KCNC1: variants seen among roughly 807,000 people sequenced by gnomAD.
The protein encoded by KCNC1 is potassium voltage-gated channel subfamily C member 1, also known as voltage-gated potassium channel KCNC1.
Under a neutral mutation model 43.4 loss-of-function variants are expected in KCNC1, and 8 were observed. The observed-to-expected ratio is 0.18, with a 90% confidence interval of 0.11 to 0.33. KCNC1 has a LOEUF of 0.33. KCNC1 is among the 10% of genes least tolerant of loss of function. KCNC1 has a pLI of 1.00. For missense variants in KCNC1, 420 were observed against 836.0 expected (o/e 0.50, Z 6.14); for synonymous variants, 361 against 360.5 (o/e 1.00, Z -0.01).
rs754690582 is a variant in KCNC1 at position 17,736,483 on chromosome 11, C to T, written c.481C>T (p.Pro161Ser). 1 of 1,596,318 alleles carries T rather than the reference C, an allele frequency of 6.3e-7. No homozygotes were observed. Among genetic ancestry groups the T allele is most frequent in the Non-Finnish European group, 8.5e-7 (1 of 1,176,060 alleles). ...MTKRLALSDSPDGRPGGFWRR... is the reference protein window; with the variant it reads ...MTKRLALSDSSDGRPGGFWRR... ...CAAGCGCCTGGCGCTCAGTGACTCC[C>T]CGGATGGCCGGCCTGGCGGCTTTTG... The change falls in exon 1 of 4, where the codon CCG becomes TCG. Residue 161 changes from proline (P) to serine (S), a missense_variant. By Grantham distance (74) the Pro-to-Ser change is moderately conservative. This residue lies in a region of KCNC1 where 151 missense variants were observed against 216.7 expected (regional missense o/e 0.70). Transcript: ENST00000265969. This position sits in a 1 kb window ranked among gnomAD's most constrained non-coding sequence, Gnocchi z 9.3.
In KCNC1 at chr11:17,735,113, G is replaced by C. The variant is rs1848748154; in HGVS notation, c.-890G>C. ...TGCAGCTCCGCGACCGCCGGGAGCT[G>C]TCCCTTCAGCACCGCCGCGGGAGCC... On this transcript the variant is annotated 5_prime_UTR_variant, in exon 1 of 4. Transcript: ENST00000265969. The surrounding 1 kb of genome is among the most constrained non-coding windows in gnomAD (Gnocchi z 6.7). The C allele has an allele frequency of 6.6e-6, 1 of 152,130 alleles. No individual in the cohort carries two copies. 9.4% of individuals were successfully genotyped at this position (152,130 alleles called of 1,614,324 possible).
Position 17,773,217 on chromosome 11 carries a change from C to T in KCNC1, c.1504+619C>T. 2.0e-6 allele frequency: 2 copies of T among 986,104 alleles called. No individual in the cohort carries two copies. The highest frequency in any genetic ancestry group is 2.4e-6 in the Non-Finnish European group (2 of 830,470). The allele number at this position is 986,104 out of a possible 1,614,324, so 61.1% of individuals were successfully genotyped here. A position where few individuals can be genotyped will look rare whatever the true frequency, so the allele number is the denominator to read the frequency against. On this transcript the variant is annotated intron_variant, in intron 2 of 3. Transcript: ENST00000265969. This position sits in a 1 kb window ranked among gnomAD's most constrained non-coding sequence, Gnocchi z 4.1. ...CTTCCCAGGAGACGCCTGTAGCCCT[C>T]CGTGACAAGCTTACTTACCCCATAG... is the stretch of plus-strand genomic sequence containing the variant.
rs200830147 is a variant in KCNC1, at chr11:17,736,470, G to T, written c.468G>T (p.Ala156=). Residue 156 remains alanine (A), a synonymous_variant, in exon 1 of 4, where the codon GCG becomes GCT. Transcript: ENST00000265969. This position sits in a 1 kb window ranked among gnomAD's most constrained non-coding sequence, Gnocchi z 9.3. ...AGCTGGAGATGACCAAGCGCCTGGC[G>T]CTCAGTGACTCCCCGGATGGCCGGC... ...EDELEMTKRL[A]LSDSPDGRPG... is the part of the protein sequence containing the mutation. 1.9e-6 allele frequency: 3 copies of T among 1,600,260 alleles called. No individual in the cohort carries two copies. Among genetic ancestry groups the T allele is most frequent in the African/African-American group, 2.7e-5 (2 of 74,908 alleles).
chr11:17,755,900 A>T (rs1347698257), intron 1 of KCNC1, among the ~76,000 whole-genome samples: 4 of 152,164 alleles, frequency 2.6e-5, no homozygotes, highest in Non-Finnish European at 5.9e-5. Flanking sequence ...GTGAGTGTAG[A>T]TGAAGAAGAG....
rs1224331485 is a variant in KCNC1 at position 17,781,381 on chromosome 11, C to T, written c.1694-289C>T. The T allele has an allele frequency of 1.6e-5, 6 of 386,278 alleles. No individual in the cohort carries two copies. In the South Asian group the frequency reaches 2.2e-4, roughly 14 times the overall value. The allele number at this position is 386,278 out of a possible 1,614,324, so 23.9% of individuals were successfully genotyped here. On this transcript the variant is annotated intron_variant, in intron 3 of 3. Coordinates refer to ENST00000265969, the MANE Select transcript of KCNC1 (RefSeq NM_001112741.2). The surrounding 1 kb of genome is among the most constrained non-coding windows in gnomAD (Gnocchi z 5.1). The stretch of plus-strand genomic sequence containing the variant: ...CGCGCTCTCATGGAGCCACGACAGC[C>T]GCCGAGGACTTGTTTTTCTCAGGCT...
chr11:17,741,625 GGCCTGTCAGATCGCCCGA>G (rs968983409), intron 1 of KCNC1, among the ~76,000 whole-genome samples: 29 of 152,058 alleles, frequency 1.9e-4, no homozygotes, highest in Non-Finnish European at 3.7e-4. Context: ...TCAACTCACG[GGCCTGTCAGATCGCCCGA>G]GCCTGCTTAG....
At chr11:17,741,788 G>A (rs1280422224) in intron 1 of KCNC1, among the ~76,000 whole-genome samples, 1 of 152,158 alleles carries the variant, frequency 6.6e-6, no homozygotes, top group Non-Finnish European at 1.5e-5. Flanking sequence ...TCAGCTTCTT[G>A]CACCTGCCAG....
intron 2 of KCNC1, chr11:17,774,832 C>G (rs1849267477): frequency 1.0e-6 from 1 of 985,418 alleles, no homozygotes; most frequent in African/African-American, 1.7e-5. Context: ...CAAGCACTCA[C>G]TTCCCGGTGG....
chr11:17,749,770 C>G (rs79479092), intron 1 of KCNC1, among the ~76,000 whole-genome samples: 1 of 152,186 alleles, frequency 6.6e-6, no homozygotes, highest in African/African-American at 2.4e-5. Context: ...TGCAAGCTGC[C>G]GTGGGTGCTT....
chr11:17,739,236 T>A lies in KCNC1; in HGVS notation c.570+2664T>A, dbSNP rs531723699. Among the ~76,000 whole-genome samples, 34 of 152,246 alleles carry A rather than the reference T, an allele frequency of 2.2e-4. No individual in the cohort carries two copies. The highest frequency in any genetic ancestry group is 7.7e-4 in the African/African-American group (32 of 41,546). On this transcript the variant is annotated intron_variant, in intron 1 of 3. Transcript: ENST00000265969. The surrounding 1 kb of genome is among the most constrained non-coding windows in gnomAD (Gnocchi z 4.2). ...GTTATTCTAGATCTAGGCCAGCATG[T>A]TGTGTGTGATCTTGCATATGTGTGT... is the stretch of plus-strand genomic sequence containing the variant.
In KCNC1 at chr11:17,776,161, G is replaced by C. The variant is rs1849284993; in HGVS notation, c.1505-3295G>C. 8.1e-6 allele frequency: 8 copies of C among 985,348 alleles called. No individual in the cohort carries two copies. Among genetic ancestry groups the C allele is most frequent in the Non-Finnish European group, 8.4e-6 (7 of 829,976 alleles). 61.0% of individuals were successfully genotyped at this position (985,348 alleles called of 1,614,324 possible). ...GTGACGCCAGGGGCCAGGCATGGGT[G>C]TTCTTTTCCGTGTTGTTCACATTTT... On this transcript the variant is annotated intron_variant, in intron 2 of 3. Coordinates refer to ENST00000265969, the MANE Select transcript of KCNC1 (RefSeq NM_001112741.2). This position sits in a 1 kb window ranked among gnomAD's most constrained non-coding sequence, Gnocchi z 4.4.
chr11:17,763,397 G>A (rs549318430), intron 1 of KCNC1, among the ~76,000 whole-genome samples: 7 of 151,998 alleles, frequency 4.6e-5, no homozygotes, highest in South Asian at 2.1e-4. Flanking sequence ...GTTGAGTCTC[G>A]GCTCAGAGAA....
intron 3 of KCNC1, chr11:17,780,705 AC>A (rs920037084): frequency 4.0e-4 from 61 of 152,466 alleles, no homozygotes; most frequent in African/African-American, 1.3e-3. Flanking sequence ...ATTAAACCAC[AC>A]GCAGGAGAAA....
chr11:17,753,148 C>T (rs1848987343), intron 1 of KCNC1, among the ~76,000 whole-genome samples: 1 of 152,198 alleles, frequency 6.6e-6, no homozygotes, highest in Non-Finnish European at 1.5e-5. Flanking sequence ...AGAGATAGAA[C>T]AGGAACCCGA....
intron 1 of KCNC1, among the ~76,000 whole-genome samples, chr11:17,748,828 C>T (rs1848932015): frequency 6.6e-6 from 1 of 152,160 alleles, no homozygotes; most frequent in Admixed American, 6.5e-5. Context: ...GGGGCTCCTG[C>T]TTCTGCATGG....
At chr11:17,766,180 A>T (rs1003164565) in intron 1 of KCNC1, among the ~76,000 whole-genome samples, 1 of 152,168 alleles carries the variant, frequency 6.6e-6, no homozygotes, top group East Asian at 1.9e-4. Flanking sequence ...GTGTGTATGC[A>T]CGAGTGGTGC....
chr11:17,762,114 C>A (rs973131099), intron 1 of KCNC1, among the ~76,000 whole-genome samples: 1 of 152,216 alleles, frequency 6.6e-6, no homozygotes, highest in Non-Finnish European at 1.5e-5. Context: ...CACCCTCTCC[C>A]CTTTTACTGC....
intron 1 of KCNC1, among the ~76,000 whole-genome samples, chr11:17,764,811 C>G (rs1337540425): frequency 1.3e-5 from 2 of 152,164 alleles, no homozygotes; most frequent in African/African-American, 4.8e-5. Context: ...GCCGGCCCAG[C>G]ACACTGTGAG....
chr11:17,777,294 G>A lies in KCNC1; in HGVS notation c.1505-2162G>A. 4 of 985,902 alleles carry A rather than the reference G, an allele frequency of 4.1e-6. No homozygotes were observed. Among genetic ancestry groups the A allele is most frequent in the Non-Finnish European group, 4.8e-6 (4 of 830,006 alleles). The allele number at this position is 985,902 out of a possible 1,614,324, so 61.1% of individuals were successfully genotyped here. A position where few individuals can be genotyped will look rare whatever the true frequency, so the allele number is the denominator to read the frequency against. On this transcript the variant is annotated intron_variant, in intron 2 of 3. Transcript: ENST00000265969. The surrounding 1 kb of genome is among the most constrained non-coding windows in gnomAD (Gnocchi z 4.3). ...CCTCCCCAGGCAAGAACTGCAGGCTGTGGACACCTCCCCTGGCAGAGGATG... is the reference window on the plus strand; with the variant it reads ...CCTCCCCAGGCAAGAACTGCAGGCTATGGACACCTCCCCTGGCAGAGGATG...
Sources: gnomAD v4.1 joint callset for allele counts (sites outside exome capture counted in the v4.1 genomes callset) on GRCh38, gnomAD v4.1.1 for gene constraint, gnomAD v4.1.1 regional missense constraint, Gnocchi (gnomAD v3.1) non-coding constraint, MANE v1.5 for transcripts, NCBI Gene and HGNC (gene_info 2026-07-23, HGNC 2026-07-21) for gene names.